The following NCOA1 variants were observed in gnomAD, a reference collection of about 807,000 sequenced individuals.
NCOA1 encodes nuclear receptor coactivator 1.
A neutral mutation model predicts 150.9 loss-of-function variants in NCOA1; 35 were observed. That is an observed-to-expected ratio of 0.23 (90% CI 0.18 to 0.31). The LOEUF (loss-of-function observed/expected upper bound fraction) is 0.31. Among genes scored for constraint, NCOA1 ranks in the 10% least tolerant of loss-of-function variants. The pLI is 1.00. For synonymous variants in NCOA1, 590 were observed against 630.0 expected (o/e 0.94, Z 0.95); for missense variants, 1,491 against 1,749.3 (o/e 0.85, Z 2.63).
chr2:24,697,768 C>A lies in NCOA1; in HGVS notation c.919C>A (p.Pro307Thr). Residue 307 changes from proline to threonine, a missense_variant, in exon 11 of 23, where the codon CCA becomes ACA. Pro to Thr is a conservative substitution (Grantham distance 38, BLOSUM62 -1). Transcript: ENST00000348332. ...YAFFQPQGRE[P>T]SYARQLFQEV... ...TTTTTTCCAACCTCAGGGCAGAGAA[C>A]CATCTTATGCCAGACAGCTGTTCCA... 1.2e-6 allele frequency: 2 copies of A among 1,613,748 alleles called. No individual in the cohort carries two copies. The highest frequency in any genetic ancestry group is 1.7e-5 in the Admixed American group (1 of 60,004).
intron 1 of NCOA1, among the ~76,000 whole-genome samples, chr2:24,560,221 T>G (rs2148250874): frequency 6.6e-6 from 1 of 152,268 alleles, no homozygotes; most frequent in South Asian, 2.1e-4. Flanking sequence ...TTTGTTAAAA[T>G]TTTAGCTGAT....
intron 2 of NCOA1, among the ~76,000 whole-genome samples, chr2:24,564,915 T>C (rs1211606089): frequency 6.6e-6 from 1 of 152,134 alleles, no homozygotes; most frequent in Non-Finnish European, 1.5e-5. Context: ...AATGCAGCAC[T>C]CTGAGTCCAC....
intron 19 of NCOA1, among the ~76,000 whole-genome samples, chr2:24,751,242 AG>A (rs1664221521): frequency 6.6e-6 from 1 of 150,586 alleles, no homozygotes; most frequent in Non-Finnish European, 1.5e-5. Flanking sequence ...CTGGGATTAC[AG>A]GCGTGAGCCA....
At position 24,568,902 on chromosome 2, in the gene NCOA1, T is replaced by C. The variant is rs558887182; in HGVS notation, c.-260+4472T>C. Among the ~76,000 whole-genome samples, 3 of 152,366 alleles carry C rather than the reference T, an allele frequency of 2.0e-5. No individual in the cohort carries two copies. The East Asian group carries it at 5.8e-4, about 29-fold the overall frequency. ...ATACAGGTGTGTTACTGTTTATCAC[T>C]GAAAAATCACTATAGCAGAAGAGTT... is the stretch of plus-strand genomic sequence containing the variant. On this transcript the variant is annotated intron_variant, in intron 2 of 22. Coordinates refer to ENST00000348332, the MANE Select transcript of NCOA1 (RefSeq NM_003743.5).
intron 20 of NCOA1, among the ~76,000 whole-genome samples, chr2:24,753,483 G>A (rs774717588): frequency 2.6e-5 from 4 of 151,960 alleles, no homozygotes; most frequent in African/African-American, 4.8e-5. Flanking sequence ...CCTACTCCTT[G>A]TTGAACTAAT....
intron 6 of NCOA1, among the ~76,000 whole-genome samples, chr2:24,668,960 C>G (rs1404377223): frequency 6.6e-6 from 1 of 152,006 alleles, no homozygotes; most frequent in East Asian, 1.9e-4. Context: ...CACATCGGCT[C>G]CCTTATAAAG....
chr2:24,695,680 A>G (rs1364912112), intron 10 of NCOA1, among the ~76,000 whole-genome samples: 1 of 152,210 alleles, frequency 6.6e-6, no homozygotes, highest in Non-Finnish European at 1.5e-5. Context: ...GTATTTTACT[A>G]GGAAATGTTG....
intron 1 of NCOA1, among the ~76,000 whole-genome samples, chr2:24,538,836 T>G (rs1177598109): frequency 6.6e-6 from 1 of 152,084 alleles, no homozygotes; most frequent in Admixed American, 6.6e-5. Context: ...TCAAGGAGAT[T>G]ACAGTCTAGT....
intron 1 of NCOA1, among the ~76,000 whole-genome samples, chr2:24,547,755 G>A (rs772193593): frequency 6.6e-6 from 1 of 151,872 alleles, no homozygotes; most frequent in South Asian, 2.1e-4. Flanking sequence ...TTAGGAGGCC[G>A]AGGTGGGCGG....
At chr2:24,535,945 C>T (rs1291470090) in intron 1 of NCOA1, among the ~76,000 whole-genome samples, 1 of 152,088 alleles carries the variant, frequency 6.6e-6, no homozygotes, top group Admixed American at 6.6e-5. Flanking sequence ...TTGCTCTTCT[C>T]GAGGAGTATC....
At position 24,742,082 on chromosome 2, in the gene NCOA1, G is replaced by T; in HGVS notation, c.3602G>T (p.Arg1201Leu). ...AANPEASLAN[R>L]NSMVSRGMTG... is the part of the protein sequence containing the mutation. ...AATCCTGAAGCATCCTTGGCCAACC[G>T]CAACAGCATGGTGAGCAGAGGCATG... The change falls in exon 19 of 23, where the codon CGC becomes CTC. Residue 1201 changes from arginine (R) to leucine (L), a missense_variant. This residue lies in a region of NCOA1 where 485 missense variants were observed against 522.8 expected (regional missense o/e 0.93). Coordinates refer to ENST00000348332, the MANE Select transcript of NCOA1 (RefSeq NM_003743.5). The T allele has an allele frequency of 1.2e-6, 2 of 1,614,194 alleles. No individual in the cohort carries two copies. Among genetic ancestry groups the T allele is most frequent in the Non-Finnish European group, 1.7e-6 (2 of 1,180,032 alleles).
rs145288514 is a variant in NCOA1 at position 24,545,558 on chromosome 2, A to G, written c.-395-18737A>G. On this transcript the variant is annotated intron_variant, in intron 1 of 22. Coordinates refer to ENST00000348332, the MANE Select transcript of NCOA1 (RefSeq NM_003743.5). ...GGAACTTAACCCCCCACCTCCTACC[A>G]CCCCCTTGAGTATGGGCTGCACTTG... Among the ~76,000 whole-genome samples, 19 of 151,552 alleles carry G rather than the reference A, an allele frequency of 1.3e-4. No homozygotes were observed. The East Asian group carries it at 3.5e-3, about 28-fold the overall frequency.
intron 11 of NCOA1, among the ~76,000 whole-genome samples, chr2:24,700,636 GA>G: frequency 6.6e-6 from 1 of 152,304 alleles, no homozygotes; most frequent in East Asian, 1.9e-4. Flanking sequence ...ATCACTTGAG[GA>G]ACTTTTTAAA....
intron 1 of NCOA1, among the ~76,000 whole-genome samples, chr2:24,530,008 C>T (rs926093178): frequency 6.6e-6 from 1 of 152,160 alleles, no homozygotes; most frequent in African/African-American, 2.4e-5. Flanking sequence ...TTCTCTACTA[C>T]TTCTTAGAAA....
intron 13 of NCOA1, among the ~76,000 whole-genome samples, chr2:24,710,653 T>C (rs188756321): frequency 7.9e-5 from 12 of 152,344 alleles, no homozygotes; most frequent in East Asian, 7.7e-4. Context: ...TTTTTATACA[T>C]AGATTTTTGT....
chr2:24,625,273 C>T (rs1184915037), intron 3 of NCOA1, among the ~76,000 whole-genome samples: 2 of 145,852 alleles, frequency 1.4e-5, no homozygotes, highest in Non-Finnish European at 3.0e-5. Context: ...GGCTGAGGCA[C>T]GAGAATTGCT....
At chr2:24,496,835 G>T (rs1419007443) in intron 1 of NCOA1, among the ~76,000 whole-genome samples, 8 of 152,270 alleles carry the variant, frequency 5.3e-5, no homozygotes, top group African/African-American at 1.9e-4. Context: ...TAAATAATAA[G>T]AATTCCTGTA....
In NCOA1 at chr2:24,679,433, A is replaced by T. The variant is rs114139704; in HGVS notation, c.355-3518A>T. On this transcript the variant is annotated intron_variant, in intron 7 of 22. Transcript: ENST00000348332. ...ATAGTCTCAAAAATTATTCCCTGAA[A>T]TGTTACTAGTCTCTTGAGGGTGGAA... Among the ~76,000 whole-genome samples, 996 of 152,314 alleles carry T rather than the reference A, an allele frequency of 6.5e-3. 13 individuals carry two copies. Among genetic ancestry groups the T allele is most frequent in the African/African-American group, 0.023 (949 of 41,568 alleles).
Position 24,491,618 on chromosome 2 carries a change from C to CGGGTGCGGAGCCTCCCGGT in NCOA1, c.-396+23_-396+41dup, listed in dbSNP as rs1447863021. ...GCGGCGGCAGGTGAGTGGCGGGCTG[C>CGGGTGCGGAGCCTCCCGGT]GGGTGCGGAGCCTCCCGGTGGGTGC... On this transcript the variant is annotated intron_variant, in intron 1 of 22. Coordinates refer to ENST00000348332, the MANE Select transcript of NCOA1 (RefSeq NM_003743.5). Among the ~76,000 whole-genome samples, 7 of 123,080 alleles carry CGGGTGCGGAGCCTCCCGGT rather than the reference C, an allele frequency of 5.7e-5. No individual in the cohort carries two copies. The highest frequency in any genetic ancestry group is 2.1e-4 in the African/African-American group (7 of 33,016). 80.7% of individuals were successfully genotyped at this position (123,080 alleles called of 152,430 possible).
Sources: allele counts gnomAD v4.1 joint callset (sites outside exome capture counted in the v4.1 genomes callset), GRCh38; gene constraint gnomAD v4.1.1; regional missense constraint gnomAD v4.1.1; transcripts MANE v1.5; gene names NCBI Gene and HGNC (gene_info 2026-07-23, HGNC 2026-07-21).